Variants in ADARB2 observed in about 807,000 individuals in gnomAD.
The protein encoded by ADARB2 is adenosine deaminase RNA specific B2 (inactive).
In ADARB2, 25 loss-of-function variants were observed where a neutral mutation model predicts 62.2. The observed-to-expected ratio is 0.40, with a 90% CI of 0.29 to 0.56. The LOEUF is 0.56. Among genes scored for constraint, ADARB2 ranks in the 20% least tolerant of loss-of-function variants. The pLI, the probability that ADARB2 is intolerant of heterozygous loss-of-function variation, is 0.43. For missense variants in ADARB2, 1,071 were observed against 1,077.4 expected (o/e 0.99, Z 0.08); for synonymous variants, 572 against 500.8 (o/e 1.14, Z -1.90).
intron 1 of ADARB2, among the ~76,000 whole-genome samples, chr10:1,531,988 T>C (rs1249624842): frequency 6.6e-6 from 1 of 152,182 alleles, no homozygotes; most frequent in African/African-American, 2.4e-5. Flanking sequence ...AAAAACACCA[T>C]CCGGTATTGT....
At chr10:1,217,981 T>C (rs1481816999) in intron 6 of ADARB2, among the ~76,000 whole-genome samples, 1 of 151,464 alleles carries the variant, frequency 6.6e-6, no homozygotes, top group Admixed American at 6.6e-5. Context: ...CCACAATTAC[T>C]TGGAGAACTA....
Position 1,653,086 on chromosome 10 carries a change from G to A in ADARB2, c.100+83965C>T, listed in dbSNP as rs116485372. On this transcript the variant is annotated intron_variant, in intron 1 of 9. Coordinates refer to ENST00000381312, the MANE Select transcript of ADARB2 (RefSeq NM_018702.4). ...CCACTTAGAGCTTCCCTGCAAAAGG[G>A]TGGCTGATCCCAATGTGAGGCTGTT... is the stretch of plus-strand genomic sequence containing the variant. Among the ~76,000 whole-genome samples the A allele has an allele frequency of 6.6e-3, 1,002 of 152,312 alleles. 6 individuals are homozygous for A. The highest frequency in any genetic ancestry group is 0.022 in the African/African-American group (923 of 41,558).
At chr10:1,233,986 T>G in intron 5 of ADARB2, 141 bp from the exon 6 acceptor site, 1 of 1,038,518 alleles carries the variant, frequency 9.6e-7, no homozygotes, top group Middle Eastern at 3.3e-4. Flanking sequence ...TCCTTTTTTT[T>G]TTGAGACGGA....
At chr10:1,456,657 G>T (rs560315628) in intron 1 of ADARB2, among the ~76,000 whole-genome samples, 2 of 152,160 alleles carry the variant, frequency 1.3e-5, no homozygotes, top group Non-Finnish European at 2.9e-5. Flanking sequence ...CTCGAGACGC[G>T]CGGGGCGTGG....
intron 3 of ADARB2, among the ~76,000 whole-genome samples, chr10:1,293,377 A>G (rs1210629653): frequency 1.3e-5 from 2 of 149,318 alleles, no homozygotes; most frequent in South Asian, 2.2e-4. Context: ...GGAAGGAGAG[A>G]GAGATTTCAA....
chr10:1,368,853 GA>G (rs1832337530), intron 2 of ADARB2, among the ~76,000 whole-genome samples: 1 of 95,366 alleles, frequency 1.0e-5, no homozygotes, highest in Non-Finnish European at 2.4e-5. Context: ...GTGAGGGTGG[GA>G]GCCGAGCTCG....
At chr10:1,294,766 C>T (rs959605342) in intron 3 of ADARB2, among the ~76,000 whole-genome samples, 4 of 152,214 alleles carry the variant, frequency 2.6e-5, no homozygotes, top group Admixed American at 6.5e-5. Context: ...TGCTTCTCCC[C>T]TGATGCCAGC....
intron 1 of ADARB2, among the ~76,000 whole-genome samples, chr10:1,512,615 A>T (rs1306973605): frequency 6.6e-6 from 1 of 152,238 alleles, no homozygotes; most frequent in Non-Finnish European, 1.5e-5. Flanking sequence ...AAGAGCTGGG[A>T]TGCAAATTCA....
intron 1 of ADARB2, among the ~76,000 whole-genome samples, chr10:1,632,158 A>T (rs1301669907): frequency 2.0e-5 from 3 of 152,242 alleles, no homozygotes; most frequent in Non-Finnish European, 4.4e-5. Flanking sequence ...ATTCATCATT[A>T]TACTAAATAT....
chr10:1,391,771 T>G lies in ADARB2; in HGVS notation c.101-12611A>C, dbSNP rs1242389409. On this transcript the variant is annotated intron_variant, in intron 1 of 9. Coordinates refer to ENST00000381312, the MANE Select transcript of ADARB2 (RefSeq NM_018702.4). The stretch of plus-strand genomic sequence containing the variant: ...CCAGGATGTCTAAGAATTGGATTTT[T>G]TTTTTTTTTTTTTTTTTTTGTGAGA... Among the ~76,000 whole-genome samples, 3 of 132,206 alleles carry G rather than the reference T, an allele frequency of 2.3e-5. No individual in the cohort carries two copies. In the East Asian group the frequency reaches 6.1e-4, roughly 27 times the overall value. The allele number at this position is 132,206 out of a possible 152,430, so 86.7% of individuals were successfully genotyped here.
chr10:1,698,847 C>T (rs1834782978), intron 1 of ADARB2, among the ~76,000 whole-genome samples: 1 of 152,202 alleles, frequency 6.6e-6, no homozygotes, highest in Non-Finnish European at 1.5e-5. Context: ...GCAACTTCTG[C>T]CTCCCAAGTT....
chr10:1,651,066 C>T (rs956521249), intron 1 of ADARB2, among the ~76,000 whole-genome samples: 1 of 152,216 alleles, frequency 6.6e-6, no homozygotes, highest in African/African-American at 2.4e-5. Flanking sequence ...GCTCTCCCCT[C>T]GTGAGACAGA....
Position 1,685,644 on chromosome 10 carries a change from C to CA in ADARB2, c.100+51406_100+51407insT, listed in dbSNP as rs879329881. ...CTTACTACATTAAAATGTGGACTGA[C>CA]CTTTCTCACTTTGCATACAGCACAA... On this transcript the variant is annotated intron_variant, in intron 1 of 9. Transcript: ENST00000381312. Among the ~76,000 whole-genome samples, 141 of 152,324 alleles carry CA rather than the reference C, an allele frequency of 9.3e-4. 2 individuals are homozygous for CA. Among genetic ancestry groups the CA allele is most frequent in the Non-Finnish European group, 1.8e-3 (122 of 68,028 alleles).
At chr10:1,219,114 T>C (rs944882444) in intron 6 of ADARB2, among the ~76,000 whole-genome samples, 2 of 150,718 alleles carry the variant, frequency 1.3e-5, no homozygotes, top group Non-Finnish European at 3.0e-5. Context: ...GCTCTGGCCA[T>C]GTCACTTTCT....
chr10:1,315,524 ACAGTCAATGAGGGAT>A (rs1831731142), intron 3 of ADARB2, among the ~76,000 whole-genome samples: 1 of 152,200 alleles, frequency 6.6e-6, no homozygotes, highest in South Asian at 2.1e-4. Flanking sequence ...TTAATTCTAA[ACAGTCAATGAGGGAT>A]CAAAGGAAAT....
chr10:1,240,470 C>G (rs1342588042), intron 5 of ADARB2: 1 of 152,012 alleles, frequency 6.6e-6, no homozygotes, highest in Admixed American at 6.6e-5. Context: ...ACACAGGCAA[C>G]AGAACAGACA....
rs192707632 is a variant in ADARB2, at chr10:1,680,144, T to A, written c.100+56907A>T. On this transcript the variant is annotated intron_variant, in intron 1 of 9. Coordinates refer to ENST00000381312, the MANE Select transcript of ADARB2 (RefSeq NM_018702.4). The stretch of plus-strand genomic sequence containing the variant: ...AAACTGCCCTACATATTCTTTCCTG[T>A]GTAACCCGCCACTCATACAAACTGC... 1.4e-3 allele frequency among the ~76,000 whole-genome samples: 213 copies of A among 152,078 alleles called. 1 individual carries two copies. Among genetic ancestry groups the A allele is most frequent in the African/African-American group, 4.9e-3 (202 of 41,466 alleles).
intron 3 of ADARB2, among the ~76,000 whole-genome samples, chr10:1,357,441 A>G (rs1399931568): frequency 6.6e-6 from 1 of 151,420 alleles, no homozygotes; most frequent in Non-Finnish European, 1.5e-5. Flanking sequence ...CCACAATCTC[A>G]CCTCCTTTCT....
In ADARB2 at chr10:1,693,728, T is replaced by C. The variant is rs931838463; in HGVS notation, c.100+43323A>G. Among the ~76,000 whole-genome samples, 43 of 152,294 alleles carry C rather than the reference T, an allele frequency of 2.8e-4. 2 individuals are homozygous for C. Among genetic ancestry groups the C allele is most frequent in the Admixed American group, 2.6e-4 (4 of 15,294 alleles). The stretch of plus-strand genomic sequence containing the variant: ...CTTGTTTATAATACTAACCTAAGAC[T>C]GTCACTGCAGAAGCAAACTAGAGAA... On this transcript the variant is annotated intron_variant, in intron 1 of 9. Transcript: ENST00000381312.
Sources: allele counts gnomAD v4.1 joint callset (sites outside exome capture counted in the v4.1 genomes callset), GRCh38; gene constraint gnomAD v4.1.1; transcripts MANE v1.5; gene names NCBI Gene and HGNC (gene_info 2026-07-23, HGNC 2026-07-21).